The following NEURL4 variants were observed in gnomAD, a reference collection of about 807,000 sequenced individuals.
The protein encoded by NEURL4 is neuralized-like protein 4.
NEURL4 carries 45 observed loss-of-function variants against 148.0 expected under a neutral mutation model. The observed-to-expected ratio is 0.30, with a 90% CI of 0.24 to 0.39. The LOEUF (loss-of-function observed/expected upper bound fraction) is 0.39. Among genes scored for constraint, NEURL4 ranks in the 10% least tolerant of loss-of-function variants. NEURL4 has a pLI of 1.00. For synonymous variants in NEURL4, 854 were observed against 869.0 expected (o/e 0.98, Z 0.30); for missense variants, 1,776 against 2,144.0 (o/e 0.83, Z 3.39).
chr17:7,325,933 A>T (rs1442887750), intron 6 of NEURL4, among the ~76,000 whole-genome samples: 2 of 152,146 alleles, frequency 1.3e-5, no homozygotes, highest in Non-Finnish European at 2.9e-5. Context: ...TAGCTTCTAC[A>T]AGTCTCAGCC....
At position 7,322,690 on chromosome 17, in the gene NEURL4, C is replaced by T; in HGVS notation, c.2725+45G>A. Reference sequence around the variant, plus strand: ...CTGGAAACCCTACTCCTCAGGTGCACAGCAGGCAAGCAGAGCCCGTCCAGC... The same window carrying T: ...CTGGAAACCCTACTCCTCAGGTGCATAGCAGGCAAGCAGAGCCCGTCCAGC... On this transcript the variant is annotated intron_variant, in intron 16 of 28. Transcript: ENST00000399464. The surrounding 1 kb of genome is among the most constrained non-coding windows in gnomAD (Gnocchi z 5.5). 2.5e-6 allele frequency: 4 copies of T among 1,597,182 alleles called. No individual in the cohort carries two copies. Among genetic ancestry groups the T allele is most frequent in the South Asian group, 1.1e-5 (1 of 90,830 alleles).
In NEURL4 at chr17:7,318,400, G is replaced by A; in HGVS notation, c.3865-44C>T. 1 of 1,611,814 alleles carries A rather than the reference G, an allele frequency of 6.2e-7. No homozygotes were observed. The highest frequency in any genetic ancestry group is 8.5e-7 in the Non-Finnish European group (1 of 1,178,088). Reference sequence around the variant, plus strand: ...TCAGACAGAGCTTGGTCAGACCCCAGGGCCTGCTGATCCCTCCCTGGAACA... The same window carrying A: ...TCAGACAGAGCTTGGTCAGACCCCAAGGCCTGCTGATCCCTCCCTGGAACA... On this transcript the variant is annotated intron_variant, in intron 23 of 28. Coordinates refer to ENST00000399464, the MANE Select transcript of NEURL4 (RefSeq NM_032442.3). The surrounding 1 kb of genome is among the most constrained non-coding windows in gnomAD (Gnocchi z 4.3).
chr17:7,328,365 C>T lies in NEURL4; in HGVS notation c.283-481G>A, dbSNP rs536530495. ...CTCCCTCACCCTGGATCTTTCTCCT[C>T]ACCTATCTTTCTGGCACAGCCTCTG... On this transcript the variant is annotated intron_variant, in intron 1 of 28. Coordinates refer to ENST00000399464, the MANE Select transcript of NEURL4 (RefSeq NM_032442.3). 1.1e-4 allele frequency among the ~76,000 whole-genome samples: 17 copies of T among 152,360 alleles called. No homozygotes were observed. In the South Asian group the frequency reaches 2.1e-3, roughly 19 times the overall value.
Position 7,322,851 on chromosome 17 carries a change from A to G in NEURL4, c.2609T>C (p.Val870Ala), listed in dbSNP as rs767378171. Residue 870 changes from valine to alanine, a missense_variant, in exon 16 of 29, where the codon GTC becomes GCC. Transcript: ENST00000399464. The surrounding 1 kb of genome is among the most constrained non-coding windows in gnomAD (Gnocchi z 5.5). Reference protein sequence around the residue: ...LPPGKEVYAVVDLYGQCVQVS... With the variant: ...LPPGKEVYAVADLYGQCVQVS... ...TTGGACACACTGGCCATAGAGATCGACTACCGCATACACCTCTGGGGAGGA... is the reference window on the plus strand; with the variant it reads ...TTGGACACACTGGCCATAGAGATCGGCTACCGCATACACCTCTGGGGAGGA... 1.2e-6 allele frequency: 2 copies of G among 1,613,868 alleles called. No individual in the cohort carries two copies. The highest frequency in any genetic ancestry group is 2.2e-5 in the South Asian group (2 of 91,074).
chr17:7,318,997 C>A lies in NEURL4; in HGVS notation c.3684+53G>T. The A allele has an allele frequency of 6.5e-7, 1 of 1,537,164 alleles. No individual in the cohort carries two copies. Among genetic ancestry groups the A allele is most frequent in the South Asian group, 1.2e-5 (1 of 81,926 alleles). On this transcript the variant is annotated intron_variant, in intron 22 of 28. Transcript: ENST00000399464. This position sits in a 1 kb window ranked among gnomAD's most constrained non-coding sequence, Gnocchi z 4.3. Reference sequence around the variant, plus strand: ...GGGCCCACTTCTCCCTTCTGGCCAGCCCTTCTCTACTCACAGGCCTGGTCC... The same window carrying A: ...GGGCCCACTTCTCCCTTCTGGCCAGACCTTCTCTACTCACAGGCCTGGTCC...
At chr17:7,317,656 A>C in intron 26 of NEURL4, 83 bp from the exon 27 acceptor site, 1 of 1,564,222 alleles carries the variant, frequency 6.4e-7, no homozygotes, top group Non-Finnish European at 8.8e-7. Flanking sequence ...TTCCTTAGAC[A>C]GGAAGTCCCT....
intron 14 of NEURL4, 150 bp downstream of exon 14, chr17:7,323,335 G>A (rs2073057078): frequency 9.3e-6 from 9 of 963,396 alleles, no homozygotes; most frequent in South Asian, 1.5e-5. Context: ...CTGTGGGCCT[G>A]GGCAGGACTT....
At position 7,328,902 on chromosome 17, in the gene NEURL4, G is replaced by A. The variant is rs930956183; in HGVS notation, c.282+129C>T. The A allele has an allele frequency of 4.8e-6, 4 of 832,392 alleles. No homozygotes were observed. In the African/African-American group the frequency reaches 7.2e-5, roughly 15 times the overall value. 51.6% of individuals were successfully genotyped at this position (832,392 alleles called of 1,614,324 possible). Reference sequence around the variant, plus strand: ...ATGCTGTCTTCCTGACCGCCCCCTGGTGCTCTATGGTCTTTCTGTTCCCTC... The same window carrying A: ...ATGCTGTCTTCCTGACCGCCCCCTGATGCTCTATGGTCTTTCTGTTCCCTC... On this transcript the variant is annotated intron_variant, in intron 1 of 28. Coordinates refer to ENST00000399464, the MANE Select transcript of NEURL4 (RefSeq NM_032442.3).
Position 7,323,101 on chromosome 17 carries a change from C to T in NEURL4, c.2440G>A (p.Gly814Ser), listed in dbSNP as rs1597635395. 9.3e-6 allele frequency: 15 copies of T among 1,613,126 alleles called. No homozygotes were observed. Among genetic ancestry groups the T allele is most frequent in the Non-Finnish European group, 1.1e-5 (13 of 1,179,640 alleles). ...CCATAATTGTTGCGCATCGTGTTAC[C>T]GTCTTGCATGATGGCTGTACCACTG... ...MLSGTAIMQD[G>S]NTMRNNYGCD... The change falls in exon 15 of 29, where the codon GGT becomes AGT. Residue 814 changes from glycine (G) to serine (S), a missense_variant. Gly to Ser is a moderately conservative substitution (Grantham distance 56, BLOSUM62 0). Transcript: ENST00000399464.
rs779999134 is a variant in NEURL4, at chr17:7,326,287, C to G, written c.1261G>C (p.Glu421Gln). The G allele has an allele frequency of 6.2e-6, 10 of 1,614,050 alleles. No individual in the cohort carries two copies. Among genetic ancestry groups the G allele is most frequent in the Admixed American group, 1.7e-5 (1 of 59,994 alleles). Residue 421 changes from glutamate to glutamine, a missense_variant, in exon 6 of 29, where the codon GAG becomes CAG. Glu to Gln is a conservative substitution (Grantham distance 29, BLOSUM62 2). Transcript: ENST00000399464. The surrounding 1 kb of genome is among the most constrained non-coding windows in gnomAD (Gnocchi z 6.0). The part of the protein sequence containing the change: ...ILTNGKGTRR[E>Q]YCEFSLDELQ... ...TCATCCAGACTGAATTCGCAGTACT[C>G]CCGGCGGGTGCCCTTGCCATTGGTC...
rs1344703963 is a variant in NEURL4 at position 7,329,292 on chromosome 17, C to A, written c.21G>T (p.Gly7=). 2.8e-6 allele frequency: 4 copies of A among 1,413,458 alleles called. No individual in the cohort carries two copies. The Admixed American group carries it at 1.3e-4, about 45-fold the overall frequency. The allele number at this position is 1,413,458 out of a possible 1,614,324, so 87.6% of individuals were successfully genotyped here. A position where few individuals can be genotyped will look rare whatever the true frequency, so the allele number is the denominator to read the frequency against. Residue 7 remains glycine, a synonymous_variant, in exon 1 of 29, where the codon GGG becomes GGT. Transcript: ENST00000399464. MAAGSG[G]SGGSGGGPGP... ...CAGGGCCTCCCCCAGAGCCCCCACT[C>A]CCACCCGACCCTGCCGCCATCTCCG...
In NEURL4 at chr17:7,325,439, A is replaced by G. The variant is rs1232790236; in HGVS notation, c.1401T>C (p.Tyr467=). 2 of 1,612,694 alleles carry G rather than the reference A, an allele frequency of 1.2e-6. No individual in the cohort carries two copies. Among genetic ancestry groups the G allele is most frequent in the East Asian group, 2.2e-5 (1 of 44,880 alleles). The change falls in exon 8 of 29, where the codon TAT becomes TAC. Residue 467 remains tyrosine (Y), a synonymous_variant. Transcript: ENST00000399464. ...VATPLTPPVV[Y]GVVDLYGMAV... The stretch of plus-strand genomic sequence containing the variant: ...CCATCCCGTACAAGTCCACCACACC[A>G]TACACCACTGGGGGCGTCAAGGGGG...
chr17:7,320,363 G>A (rs1367705195), intron 21 of NEURL4, among the ~76,000 whole-genome samples: 1 of 152,116 alleles, frequency 6.6e-6, no homozygotes, highest in East Asian at 1.9e-4. Flanking sequence ...GCGAACTCGT[G>A]AGCTCAAGCG....
chr17:7,321,348 C>T lies in NEURL4; in HGVS notation c.3198+13G>A, dbSNP rs747207774. 7 of 1,613,358 alleles carry T rather than the reference C, an allele frequency of 4.3e-6. No homozygotes were observed. The highest frequency in any genetic ancestry group is 2.2e-5 in the East Asian group (1 of 44,894). The stretch of plus-strand genomic sequence containing the variant: ...ACCATCCTCCCAGAACCCAAGGAAG[C>T]GTTCAGGTCTACCTTGGCAATGCCA... On this transcript the variant is annotated intron_variant, in intron 19 of 28. Coordinates refer to ENST00000399464, the MANE Select transcript of NEURL4 (RefSeq NM_032442.3). The surrounding 1 kb of genome is among the most constrained non-coding windows in gnomAD (Gnocchi z 6.3).
intron 21 of NEURL4, among the ~76,000 whole-genome samples, chr17:7,319,658 C>T (rs1407488458): frequency 5.4e-5 from 8 of 148,866 alleles, no homozygotes. Context: ...CGAGATCATA[C>T]CATTGCACTC....
chr17:7,327,214 T>C lies in NEURL4; in HGVS notation c.744A>G (p.Pro248=). Residue 248 remains proline, a synonymous_variant, in exon 3 of 29, where the codon CCA becomes CCG. Coordinates refer to ENST00000399464, the MANE Select transcript of NEURL4 (RefSeq NM_032442.3). The surrounding 1 kb of genome is among the most constrained non-coding windows in gnomAD (Gnocchi z 6.6). ...TSADEAFMVS[P]AQARPETFPN... ...GAAACGTCTCCGGCCGGGCCTGCGC[T>C]GGGGACACCATGAAGGCTGGGGACC... 6.2e-7 allele frequency: 1 copy of C among 1,611,234 alleles called. No individual in the cohort carries two copies. Among genetic ancestry groups the C allele is most frequent in the Non-Finnish European group, 8.5e-7 (1 of 1,179,460 alleles).
chr17:7,329,333 C>T lies in NEURL4; in HGVS notation c.-21G>A. ...GCCATCTCCGCTGACACCGGGGCAGCGCGACAGCCGCGCTTGGCGGCACCG... is the reference window on the plus strand; with the variant it reads ...GCCATCTCCGCTGACACCGGGGCAGTGCGACAGCCGCGCTTGGCGGCACCG... On this transcript the variant is annotated 5_prime_UTR_variant, in exon 1 of 29. Coordinates refer to ENST00000399464, the MANE Select transcript of NEURL4 (RefSeq NM_032442.3). The T allele has an allele frequency of 1.5e-6, 2 of 1,373,454 alleles. No homozygotes were observed. Among genetic ancestry groups the T allele is most frequent in the Non-Finnish European group, 1.9e-6 (2 of 1,070,890 alleles). The allele number at this position is 1,373,454 out of a possible 1,614,324, so 85.1% of individuals were successfully genotyped here.
At position 7,322,680 on chromosome 17, in the gene NEURL4, C is replaced by A; in HGVS notation, c.2725+55G>T. ...CCTCTCTAACCTGGAAACCCTACTC[C>A]TCAGGTGCACAGCAGGCAAGCAGAG... On this transcript the variant is annotated intron_variant, in intron 16 of 28. Transcript: ENST00000399464. This position sits in a 1 kb window ranked among gnomAD's most constrained non-coding sequence, Gnocchi z 5.5. 3 of 1,591,014 alleles carry A rather than the reference C, an allele frequency of 1.9e-6. No homozygotes were observed. Among genetic ancestry groups the A allele is most frequent in the Non-Finnish European group, 2.6e-6 (3 of 1,170,734 alleles).
Position 7,319,226 on chromosome 17 carries a change from A to G in NEURL4, c.3526-18T>C. 2 of 1,597,130 alleles carry G rather than the reference A, an allele frequency of 1.3e-6. No homozygotes were observed. Among genetic ancestry groups the G allele is most frequent in the Non-Finnish European group, 1.7e-6 (2 of 1,169,190 alleles). ...ATCCGCACCTGGGGAAGAAAGAACT[A>G]CTCCATAATCACAGCCTCCTGGGAA... On this transcript the variant is annotated intron_variant, in intron 21 of 28. Coordinates refer to ENST00000399464, the MANE Select transcript of NEURL4 (RefSeq NM_032442.3).
Sources: gnomAD v4.1 joint callset for allele counts (sites outside exome capture counted in the v4.1 genomes callset) on GRCh38, gnomAD v4.1.1 for gene constraint, Gnocchi (gnomAD v3.1) non-coding constraint, MANE v1.5 for transcripts, NCBI Gene and HGNC (gene_info 2026-07-23, HGNC 2026-07-21) for gene names.